ZNF469: variants seen among roughly 807,000 people sequenced by gnomAD.
ZNF469 encodes the protein zinc finger protein 469.
In ZNF469, 1 loss-of-function variant was observed where a neutral mutation model predicts 1.0. The ratio of observed to expected loss-of-function variants is 1.00; its 90% CI spans 0.35 to 4.73. The LOEUF (loss-of-function observed/expected upper bound fraction) is 4.73, where lower values mean the gene tolerates loss of function less well. Among genes scored for constraint, ZNF469 ranks in the 30% most tolerant of loss-of-function variants. ZNF469 has a pLI of 0.16. For missense variants in ZNF469, 6,100 were observed against 5,356.3 expected (o/e 1.14, Z -4.33); for synonymous variants, 2,703 against 2,363.4 (o/e 1.14, Z -4.17).
In ZNF469 at chr16:88,429,881, A is replaced by G. The variant is rs1906010747; in HGVS notation, c.2411A>G (p.Gln804Arg). 6.5e-7 allele frequency: 1 copy of G among 1,549,990 alleles called. No homozygotes were observed. Among genetic ancestry groups the G allele is most frequent in the Non-Finnish European group, 8.7e-7 (1 of 1,146,886 alleles). ...AKTFLLAGDAQAEGKDDPLRT... is the reference protein window; with the variant it reads ...AKTFLLAGDARAEGKDDPLRT... ...ACCTTCCTGTTAGCTGGGGACGCCCAGGCCGAGGGCAAAGACGACCCCCTG... is the reference window on the plus strand; with the variant it reads ...ACCTTCCTGTTAGCTGGGGACGCCCGGGCCGAGGGCAAAGACGACCCCCTG... Residue 804 changes from glutamine to arginine, a missense_variant, in exon 3 of 3, where the codon CAG (glutamine) becomes CGG (arginine). By Grantham distance (43) the Gln-to-Arg change is conservative. Transcript: ENST00000565624.
At chr16:88,194,843 G>C in the ZNF469 span, 1 of 152,398 alleles carries the variant, frequency 6.6e-6, no homozygotes, top group African/African-American at 2.4e-5. Flanking sequence ...TAACGTCAGA[G>C]GAGGCCAAGG....
At chr16:88,366,259 A>T in the ZNF469 span, among the ~76,000 whole-genome samples, 1 of 151,594 alleles carries the variant, frequency 6.6e-6, no homozygotes, top group African/African-American at 2.4e-5. Context: ...CACCACCACT[A>T]TTATCATCAC....
the ZNF469 span, among the ~76,000 whole-genome samples, chr16:88,190,689 A>G: frequency 6.6e-6 from 1 of 152,212 alleles, no homozygotes; most frequent in African/African-American, 2.4e-5. Flanking sequence ...GATAGAGGCT[A>G]AGCTGAGGCT....
chr16:88,341,009 GC>G, the ZNF469 span, among the ~76,000 whole-genome samples: 11 of 152,256 alleles, frequency 7.2e-5, no homozygotes, highest in Admixed American at 3.3e-4. Flanking sequence ...CTGGCTGGCA[GC>G]CCTCGCAGAG....
rs1337435406 is a variant in ZNF469 at position 88,424,016 on chromosome 16, C to T, written c.-191-791C>T. ...ATTTTAAAACCATCACGGAGACTGA[C>T]AATTGGACAATCTCCTTCCAAAGTC... On this transcript the variant is annotated intron_variant, in intron 1 of 2. Transcript: ENST00000565624. This position sits in a 1 kb window ranked among gnomAD's most constrained non-coding sequence, Gnocchi z 4.3. Among the ~76,000 whole-genome samples, 5 of 152,238 alleles carry T rather than the reference C, an allele frequency of 3.3e-5. No individual in the cohort carries two copies. The highest frequency in any genetic ancestry group is 3.9e-4 in the East Asian group (2 of 5,194).
At chr16:88,300,196 G>A in the ZNF469 span, among the ~76,000 whole-genome samples, 1 of 152,152 alleles carries the variant, frequency 6.6e-6, no homozygotes, top group Non-Finnish European at 1.5e-5. Context: ...TTTCAACAAA[G>A]TTGATTCTAC....
the ZNF469 span, among the ~76,000 whole-genome samples, chr16:88,200,618 G>T: frequency 6.6e-6 from 1 of 152,254 alleles, no homozygotes; most frequent in Non-Finnish European, 1.5e-5. Flanking sequence ...CAAATGCCCT[G>T]GGCTGGACGT....
At chr16:88,193,030 GTGGTGA>G in the ZNF469 span, among the ~76,000 whole-genome samples, 4 of 141,504 alleles carry the variant, frequency 2.8e-5, no homozygotes, top group South Asian at 2.3e-4. Context: ...GGTGGTGATG[GTGGTGA>G]TGGTGGTGGT....
the ZNF469 span, among the ~76,000 whole-genome samples, chr16:88,222,361 C>T: frequency 0.97 from 147,339 of 152,130 alleles, 71,532 homozygotes; most frequent in East Asian, 1. Context: ...CAATCACAGC[C>T]CACTGCAGCC....
chr16:88,112,060 T>C, the ZNF469 span, among the ~76,000 whole-genome samples: 4,641 of 152,298 alleles, frequency 0.03, 112 homozygotes, highest in African/African-American at 0.069. Context: ...GTTGTGTACG[T>C]GTCACATTTT....
the ZNF469 span, among the ~76,000 whole-genome samples, chr16:88,195,813 G>A: frequency 1.3e-5 from 2 of 152,206 alleles, no homozygotes; most frequent in African/African-American, 4.8e-5. Flanking sequence ...TGTCTCCAGG[G>A]AAATCTCTTC....
the ZNF469 span, among the ~76,000 whole-genome samples, chr16:88,132,209 G>A: frequency 1.3e-5 from 2 of 152,236 alleles, no homozygotes; most frequent in Admixed American, 6.5e-5. Flanking sequence ...CCCTACCCAG[G>A]ACGGGGAGGT....
the ZNF469 span, among the ~76,000 whole-genome samples, chr16:88,216,330 C>T: frequency 2.0e-5 from 3 of 152,066 alleles, no homozygotes; most frequent in South Asian, 6.3e-4. Flanking sequence ...CCCGTCTCTC[C>T]TAAAAATACA....
the ZNF469 span, among the ~76,000 whole-genome samples, chr16:88,266,691 G>A: frequency 3.9e-5 from 6 of 152,322 alleles, no homozygotes; most frequent in South Asian, 8.3e-4. Flanking sequence ...GACCTGGGAC[G>A]TGCTGGTCGG....
chr16:88,319,333 C>T, the ZNF469 span, among the ~76,000 whole-genome samples: 3 of 152,030 alleles, frequency 2.0e-5, no homozygotes, highest in South Asian at 2.1e-4. Flanking sequence ...CTGACTGAGC[C>T]GAAGGGGGCT....
the ZNF469 span, among the ~76,000 whole-genome samples, chr16:88,367,410 A>C: frequency 5.9e-5 from 9 of 152,316 alleles, no homozygotes; most frequent in Non-Finnish European, 7.3e-5. Context: ...ATGTGATGTG[A>C]CTGGCTCCAA....
the ZNF469 span, among the ~76,000 whole-genome samples, chr16:88,201,761 G>T: frequency 6.6e-6 from 1 of 152,192 alleles, no homozygotes; most frequent in Non-Finnish European, 1.5e-5. This position sits in a 1 kb window ranked among gnomAD's most constrained non-coding sequence, Gnocchi z 5.0. Flanking sequence ...GGCATTGCTC[G>T]TGTTGGCCTG....
At chr16:88,172,247 G>A in the ZNF469 span, among the ~76,000 whole-genome samples, 1 of 152,230 alleles carries the variant, frequency 6.6e-6, no homozygotes, top group African/African-American at 2.4e-5. Context: ...GTGTGCGTGT[G>A]AAGAAACTGC....
In ZNF469 at chr16:88,439,275, C is replaced by G; in HGVS notation, c.11805C>G (p.Leu3935=). 1 of 1,550,484 alleles carries G rather than the reference C, an allele frequency of 6.4e-7. No homozygotes were observed. Among genetic ancestry groups the G allele is most frequent in the Non-Finnish European group, 8.7e-7 (1 of 1,147,006 alleles). ...AEAQSDLLSQ[L]FGQRLTGFKI... ...CCCAGAGTGACCTCCTCAGCCAGCT[C>G]TTCGGGCAGAGACTAACTGGCTTCA... Residue 3935 remains leucine (L), a synonymous_variant, in exon 3 of 3, where the codon CTC becomes CTG. Transcript: ENST00000565624.
Sources: gnomAD v4.1 joint callset for allele counts (sites outside exome capture counted in the v4.1 genomes callset) on GRCh38, gnomAD v4.1.1 for gene constraint, Gnocchi (gnomAD v3.1) non-coding constraint, MANE v1.5 for transcripts, NCBI Gene and HGNC (gene_info 2026-07-23, HGNC 2026-07-21) for gene names.